RYR2: variants seen among roughly 807,000 people sequenced by gnomAD.
The protein encoded by RYR2 is cardiac muscle ryanodine receptor-calcium release channel.
A neutral mutation model predicts 601.1 loss-of-function variants in RYR2; 227 were observed. The observed-to-expected ratio is 0.38, with a 90% CI of 0.34 to 0.42. The LOEUF (loss-of-function observed/expected upper bound fraction) is 0.42, where lower values mean the gene tolerates loss of function less well. RYR2 is among the 10% of genes least tolerant of loss of function. The pLI is 1.00. For synonymous variants in RYR2, 2,223 were observed against 2,175.1 expected (o/e 1.02, Z -0.61); for missense variants, 4,646 against 6,156.5 (o/e 0.75, Z 8.21).
chr1:237,360,918 C>T (rs1699733287), intron 4 of RYR2, among the ~76,000 whole-genome samples: 1 of 152,170 alleles, frequency 6.6e-6, no homozygotes. Flanking sequence ...CTTGCTCTGT[C>T]ACCCAAGCTG....
intron 5 of RYR2, 69 bp downstream of exon 5, chr1:237,364,441 G>GCAGATACATACA: frequency 1.3e-6 from 1 of 797,366 alleles, no homozygotes; most frequent in Non-Finnish European, 1.9e-6. Context: ...GATTATATAT[G>GCAGATACATACA]TATGTATCTG....
intron 1 of RYR2, among the ~76,000 whole-genome samples, chr1:237,113,621 G>A (rs952970012): frequency 1.3e-5 from 2 of 152,072 alleles, no homozygotes; most frequent in Non-Finnish European, 2.9e-5. Flanking sequence ...CCTGGCCCAG[G>A]GAGTGGGTAC....
At chr1:237,413,091 C>G (rs983435103) in intron 10 of RYR2, among the ~76,000 whole-genome samples, 1 of 151,920 alleles carries the variant, frequency 6.6e-6, no homozygotes, top group Non-Finnish European at 1.5e-5. Flanking sequence ...ATTGTGGTGC[C>G]AATTTTCAGT....
At chr1:237,503,720 G>A (rs1055037974) in intron 22 of RYR2, among the ~76,000 whole-genome samples, 2 of 152,058 alleles carry the variant, frequency 1.3e-5, no homozygotes, top group Non-Finnish European at 2.9e-5. Flanking sequence ...TGTTGTCGTT[G>A]TTGTTGTGAT....
intron 14 of RYR2, among the ~76,000 whole-genome samples, chr1:237,453,949 C>T (rs553371342): frequency 2.0e-5 from 3 of 152,214 alleles, no homozygotes; most frequent in African/African-American, 7.2e-5. Context: ...TATTTTTGAA[C>T]TCACAGGAAT....
chr1:237,808,800 G>T, intron 99 of RYR2, 101 bp from the exon 100 acceptor site: 1 of 1,064,286 alleles, frequency 9.4e-7, no homozygotes, highest in East Asian at 2.4e-5. Flanking sequence ...TAGTAAACAC[G>T]GCTGTGTTCT....
chr1:237,307,578 C>T (rs1572544976), intron 2 of RYR2, among the ~76,000 whole-genome samples: 1 of 152,182 alleles, frequency 6.6e-6, no homozygotes. Context: ...TGAAATTTGT[C>T]ATTTATTTAT....
chr1:237,452,594 T>C (rs1275477023), intron 14 of RYR2, among the ~76,000 whole-genome samples: 4 of 148,372 alleles, frequency 2.7e-5, no homozygotes, highest in Non-Finnish European at 6.0e-5. Context: ...ATTTTTCTTC[T>C]GGATATATTA....
chr1:237,061,280 T>TATTC (rs1558164103), intron 1 of RYR2, among the ~76,000 whole-genome samples: 9 of 31,928 alleles, frequency 2.8e-4, no homozygotes, highest in African/African-American at 6.9e-4. Context: ...ATCTATCATC[T>TATTC]ATCTATCTAT....
intron 41 of RYR2, 48 bp from the exon 42 acceptor site, chr1:237,631,379 T>G (rs749171761): frequency 1.7e-6 from 2 of 1,163,348 alleles, no homozygotes; most frequent in Non-Finnish European, 2.5e-6. Context: ...GGTTAACTAT[T>G]TAGATGTTGC....
At chr1:237,669,755 A>G (rs1338806523) in intron 58 of RYR2, among the ~76,000 whole-genome samples, 2 of 145,508 alleles carry the variant, frequency 1.4e-5, no homozygotes, top group Non-Finnish European at 3.0e-5. Flanking sequence ...GGCGCTCCTC[A>G]CTTCCTAGAT....
At chr1:237,313,501 C>G (rs1694782442) in intron 2 of RYR2, among the ~76,000 whole-genome samples, 1 of 152,046 alleles carries the variant, frequency 6.6e-6, no homozygotes, top group Admixed American at 6.5e-5. Context: ...GGACCACAAG[C>G]CAAGGAATGT....
At chr1:237,440,178 A>G (rs1446895018) in intron 12 of RYR2, among the ~76,000 whole-genome samples, 4 of 152,174 alleles carry the variant, frequency 2.6e-5, no homozygotes, top group Non-Finnish European at 2.9e-5. Context: ...ATTAATTATT[A>G]ATACATTATG....
chr1:237,622,646 C>T (rs1028450643), intron 38 of RYR2, among the ~76,000 whole-genome samples: 1 of 152,118 alleles, frequency 6.6e-6, no homozygotes, highest in Non-Finnish European at 1.5e-5. Flanking sequence ...CCACAAAGTT[C>T]CAAAGCACAA....
intron 51 of RYR2, among the ~76,000 whole-genome samples, chr1:237,651,841 T>A (rs1289916541): frequency 1.3e-5 from 2 of 152,016 alleles, no homozygotes; most frequent in East Asian, 3.9e-4. Flanking sequence ...ATCGAGACCA[T>A]CCTAGCTAAC....
intron 1 of RYR2, among the ~76,000 whole-genome samples, chr1:237,256,064 A>C (rs1307054974): frequency 6.6e-6 from 1 of 152,026 alleles, no homozygotes; most frequent in Non-Finnish European, 1.5e-5. Flanking sequence ...TAGCTCCCAT[A>C]ATTCCCACAT....
At chr1:237,341,652 G>A (rs750203631) in intron 3 of RYR2, 2 of 516,766 alleles carry the variant, frequency 3.9e-6, no homozygotes, top group Non-Finnish European at 7.7e-6. Flanking sequence ...AGGTAGTAAG[G>A]AAATATTTGC....
In RYR2 at chr1:237,614,352, G is replaced by A; in HGVS notation, c.5224G>A (p.Glu1742Lys). ...ETKSITLFPDENKKHGLPGIG... is the reference protein window; with the variant it reads ...ETKSITLFPDKNKKHGLPGIG... ...GAAGAGCATCACCCTGTTCCCTGAT[G>A]AGAACAAAAAACACGGCCTTCCAGG... Residue 1742 changes from glutamate to lysine, a missense_variant, in exon 37 of 105, where the codon GAG (glutamate) becomes AAG (lysine). Glu to Lys is a moderately conservative substitution (Grantham distance 56). This residue lies in a region of RYR2 where 1,807 missense variants were observed against 2,088.1 expected (regional missense o/e 0.87). Transcript: ENST00000366574. The surrounding 1 kb of genome is among the most constrained non-coding windows in gnomAD (Gnocchi z 4.3). The A allele has an allele frequency of 1.2e-6, 2 of 1,614,038 alleles. No homozygotes were observed. Among genetic ancestry groups the A allele is most frequent in the East Asian group, 2.2e-5 (1 of 44,876 alleles).
chr1:237,092,294 G>A (rs983480067), intron 1 of RYR2, among the ~76,000 whole-genome samples: 2 of 152,030 alleles, frequency 1.3e-5, no homozygotes, highest in Non-Finnish European at 2.9e-5. Context: ...CCTTAGGTAC[G>A]CTCCAGATGG....
Sources: gnomAD v4.1 joint callset for allele counts (sites outside exome capture counted in the v4.1 genomes callset) on GRCh38, gnomAD v4.1.1 for gene constraint, gnomAD v4.1.1 regional missense constraint, Gnocchi (gnomAD v3.1) non-coding constraint, MANE v1.5 for transcripts, NCBI Gene and HGNC (gene_info 2026-07-23, HGNC 2026-07-21) for gene names.